NRG1: variants seen among roughly 807,000 people sequenced by gnomAD.
The protein encoded by NRG1 is neuregulin 1, also known as pro-neuregulin-1, membrane-bound isoform.
A neutral mutation model predicts 63.8 loss-of-function variants in NRG1; 18 were observed. The observed-to-expected ratio is 0.28, with a 90% CI of 0.19 to 0.42. The LOEUF is 0.42. Ranked by LOEUF, NRG1 falls within the 10% of genes least tolerant of loss-of-function variation. The pLI is 1.00. For synonymous variants in NRG1, 302 were observed against 301.3 expected (o/e 1.00, Z -0.02); for missense variants, 762 against 814.7 (o/e 0.94, Z 0.79).
intron 1 of NRG1, among the ~76,000 whole-genome samples, chr8:31,894,658 C>G (rs1831428841): frequency 6.7e-6 from 1 of 149,386 alleles, no homozygotes; most frequent in Non-Finnish European, 1.5e-5. Context: ...TCACGCCATT[C>G]TCCTGCCTCA....
intron 1 of NRG1, among the ~76,000 whole-genome samples, chr8:31,993,432 G>T (rs1489958204): frequency 1.3e-5 from 2 of 151,974 alleles, no homozygotes; most frequent in Non-Finnish European, 2.9e-5. Context: ...CACGTGTCAA[G>T]GTTGGTGCCA....
chr8:32,267,861 T>A (rs1025901953), intron 1 of NRG1, among the ~76,000 whole-genome samples: 2 of 152,160 alleles, frequency 1.3e-5, no homozygotes, highest in African/African-American at 4.8e-5. Flanking sequence ...TGGGTGACAG[T>A]TTAAGATCAG....
At chr8:32,769,482 C>T (rs1322657387), downstream of NRG1, among the ~76,000 whole-genome samples, 1 of 152,090 alleles carries the variant, frequency 6.6e-6, no homozygotes, top group Non-Finnish European at 1.5e-5. Context: ...CTTTTCTGTC[C>T]TAACGATGAA....
chr8:32,062,445 G>C (rs1824046347), intron 1 of NRG1, among the ~76,000 whole-genome samples: 1 of 152,016 alleles, frequency 6.6e-6, no homozygotes, highest in South Asian at 2.1e-4. Context: ...AGCATTACTT[G>C]TACGGATATG....
intron 1 of NRG1, among the ~76,000 whole-genome samples, chr8:31,690,351 C>T (rs916029800): frequency 9.2e-5 from 14 of 152,240 alleles, no homozygotes; most frequent in Middle Eastern, 3.4e-3. Flanking sequence ...TGTCAGAGTA[C>T]GCTTCATTAG....
chr8:32,313,414 A>C (rs2129476091), intron 1 of NRG1, among the ~76,000 whole-genome samples: 1 of 152,288 alleles, frequency 6.6e-6, no homozygotes, highest in South Asian at 2.1e-4. Flanking sequence ...CTAGGAAGAA[A>C]TTAGGTGCAT....
At chr8:32,456,175 C>T (rs535356810) in intron 1 of NRG1, among the ~76,000 whole-genome samples, 1 of 152,126 alleles carries the variant, frequency 6.6e-6, no homozygotes, top group Non-Finnish European at 1.5e-5. Context: ...AATTATTTCC[C>T]ATGTATGCAC....
At chr8:32,011,314 A>G (rs1814721560) in intron 1 of NRG1, among the ~76,000 whole-genome samples, 1 of 152,100 alleles carries the variant, frequency 6.6e-6, no homozygotes, top group Non-Finnish European at 1.5e-5. Flanking sequence ...AGCAAGCCCA[A>G]GGTTTTAGAG....
intron 1 of NRG1, among the ~76,000 whole-genome samples, chr8:32,175,557 T>C (rs1452971685): frequency 6.6e-6 from 1 of 152,180 alleles, no homozygotes; most frequent in Non-Finnish European, 1.5e-5. Flanking sequence ...TGTTTGCAGA[T>C]GACATGATTG....
intron 1 of NRG1, among the ~76,000 whole-genome samples, chr8:32,453,399 C>T (rs146800389): frequency 1.3e-5 from 2 of 152,292 alleles, no homozygotes; most frequent in East Asian, 3.9e-4. Flanking sequence ...TGATTCTCAT[C>T]ATAAACAAGC....
intron 1 of NRG1, among the ~76,000 whole-genome samples, chr8:31,720,620 GT>G (rs950962377): frequency 6.6e-6 from 1 of 152,034 alleles, no homozygotes; most frequent in Non-Finnish European, 1.5e-5. Context: ...TAGGCAAACC[GT>G]TTTTTTGTTT....
exon 12 of NRG1, chr8:32,763,771 C>T (rs753126752): frequency 1.2e-5 from 19 of 1,561,496 alleles, no homozygotes; most frequent in East Asian, 1.1e-4. Flanking sequence ...ATGACCACCC[C>T]GGCTCGTATG....
intron 1 of NRG1, among the ~76,000 whole-genome samples, chr8:32,281,808 C>G (rs532234356): frequency 9.2e-5 from 14 of 152,000 alleles, no homozygotes; most frequent in Middle Eastern, 3.4e-3. Flanking sequence ...TAGTGAGACC[C>G]CCCCCATCTC....
chr8:32,670,095 G>A (rs976737090), intron 5 of NRG1, among the ~76,000 whole-genome samples: 1 of 152,156 alleles, frequency 6.6e-6, no homozygotes, highest in Non-Finnish European at 1.5e-5. Flanking sequence ...TTGCTAAAAA[G>A]TACTTCTCTT....
At position 32,651,557 on chromosome 8, in the gene NRG1, T is replaced by C. The variant is rs1391474376; in HGVS notation, c.502+34672T>C. On this transcript the variant is annotated intron_variant, in intron 5 of 11. Coordinates refer to ENST00000356819, the Ensembl canonical transcript of NRG1. Reference sequence around the variant, plus strand: ...GTGGTACCATCTTGAAAGAAAATGTTTTCTGGATATGAGATCCTCCCTGCT... The same window carrying C: ...GTGGTACCATCTTGAAAGAAAATGTCTTCTGGATATGAGATCCTCCCTGCT... 5.3e-5 allele frequency among the ~76,000 whole-genome samples: 8 copies of C among 152,244 alleles called. 1 individual carries two copies. The South Asian group carries it at 1.0e-3, about 20-fold the overall frequency.
At chr8:32,200,936 C>A (rs1440258768) in intron 1 of NRG1, among the ~76,000 whole-genome samples, 1 of 151,976 alleles carries the variant, frequency 6.6e-6, no homozygotes, top group African/African-American at 2.4e-5. Flanking sequence ...AGAGAGGGAC[C>A]AGGTAGTCTA....
chr8:32,731,224 T>C (rs1466533553), intron 6 of NRG1, among the ~76,000 whole-genome samples: 1 of 152,208 alleles, frequency 6.6e-6, no homozygotes, highest in Non-Finnish European at 1.5e-5. Flanking sequence ...CTGCAATTTT[T>C]CTTCACTCAA....
chr8:32,692,905 A>G (rs1475552405), intron 5 of NRG1, among the ~76,000 whole-genome samples: 1 of 152,152 alleles, frequency 6.6e-6, no homozygotes, highest in Non-Finnish European at 1.5e-5. Context: ...CTGCCACCTG[A>G]CATGTGCAGG....
intron 1 of NRG1, among the ~76,000 whole-genome samples, chr8:32,231,910 AT>A (rs1357361328): frequency 2.1e-5 from 3 of 144,376 alleles, no homozygotes; most frequent in East Asian, 2.0e-4. Flanking sequence ...AAAAAAAAAA[AT>A]TAAATTAAAG....
Sources: allele counts gnomAD v4.1 joint callset (sites outside exome capture counted in the v4.1 genomes callset), GRCh38; gene constraint gnomAD v4.1.1; transcripts MANE v1.5; gene names NCBI Gene and HGNC (gene_info 2026-07-23, HGNC 2026-07-21).